Variants in TMEM260 observed in about 807,000 individuals in gnomAD.
The protein encoded by TMEM260 is protein O-mannosyl-transferase TMEM260.
TMEM260 carries 82 observed loss-of-function variants against 88.9 expected under a neutral mutation model. The observed-to-expected ratio is 0.92, with a 90% CI of 0.77 to 1.11. The LOEUF (loss-of-function observed/expected upper bound fraction) is 1.11. TMEM260 is among the 50% of genes least tolerant of loss of function. The pLI is 0.00. For synonymous variants in TMEM260, 314 were observed against 309.3 expected (o/e 1.02, Z -0.16); for missense variants, 902 against 853.4 (o/e 1.06, Z -0.71).
rs539785320 is a variant in TMEM260 at position 56,599,652 on chromosome 14, CTCATGATCT to C, written c.345-4150_345-4142del. ...TATACATGTAGCTCTGATAAACTGGCTCATGATCTTCATGATCTTCAGTATGTTTTCGTT... is the reference window on the plus strand; with the variant it reads ...TATACATGTAGCTCTGATAAACTGGCTCATGATCTTCAGTATGTTTTCGTT... On this transcript the variant is annotated intron_variant, in intron 3 of 15. Transcript: ENST00000261556. Among the ~76,000 whole-genome samples, 218 of 152,248 alleles carry C rather than the reference CTCATGATCT, an allele frequency of 1.4e-3. 1 individual carries two copies. The highest frequency in any genetic ancestry group is 5.1e-3 in the African/African-American group (210 of 41,534).
At chr14:56,639,505 T>C (rs766151704) in intron 15 of TMEM260, among the ~76,000 whole-genome samples, 44 of 152,066 alleles carry the variant, frequency 2.9e-4, no homozygotes, top group Non-Finnish European at 5.1e-4. Flanking sequence ...TAGAAATATG[T>C]AGTATAGGAG....
chr14:56,586,707 G>T (rs1885528291), intron 3 of TMEM260, among the ~76,000 whole-genome samples: 1 of 152,018 alleles, frequency 6.6e-6, no homozygotes, highest in Non-Finnish European at 1.5e-5. Context: ...ATTTCTGTAG[G>T]TAAATATAAT....
At chr14:56,627,806 A>G (rs979363878) in intron 12 of TMEM260, among the ~76,000 whole-genome samples, 3 of 152,204 alleles carry the variant, frequency 2.0e-5, no homozygotes, top group African/African-American at 7.2e-5. Context: ...ATACAGTTCT[A>G]TGAATTTTAA....
intron 3 of TMEM260, among the ~76,000 whole-genome samples, chr14:56,587,556 A>G (rs1885585058): frequency 6.6e-6 from 1 of 152,016 alleles, no homozygotes; most frequent in Non-Finnish European, 1.5e-5. Flanking sequence ...TTTAATATGC[A>G]TGGCTAATGA....
At chr14:56,580,576 T>C (rs1885062929) in intron 1 of TMEM260, among the ~76,000 whole-genome samples, 1 of 152,112 alleles carries the variant, frequency 6.6e-6, no homozygotes, top group Non-Finnish European at 1.5e-5. Context: ...AAGTAGTGGG[T>C]CCTTCCGAAT....
intron 7 of TMEM260, chr14:56,612,699 C>CT (rs375397623): frequency 0.022 from 3,030 of 139,262 alleles, 65 homozygotes; most frequent in East Asian, 0.11. Context: ...TTTTCCCCAA[C>CT]TTTTTTTTTT....
At chr14:56,626,001 A>G (rs889571958) in intron 12 of TMEM260, among the ~76,000 whole-genome samples, 50 of 152,380 alleles carry the variant, frequency 3.3e-4, no homozygotes, top group African/African-American at 1.2e-3. Context: ...GAGATAAAAT[A>G]TGAGAATTGT....
At chr14:56,615,461 G>A (rs941958276) in intron 7 of TMEM260, 5 of 152,016 alleles carry the variant, frequency 3.3e-5, no homozygotes, top group African/African-American at 1.2e-4. Context: ...ACCAATTAAG[G>A]AAAAAAATAA....
downstream of TMEM260, among the ~76,000 whole-genome samples, chr14:56,653,736 C>CAAAAAACAAAAAAA (rs10522889): frequency 1.5e-5 from 1 of 66,608 alleles, no homozygotes; most frequent in Non-Finnish European, 2.7e-5. Context: ...CTCTTGTCTC[C>CAAAAAACAAAAAAA]AAAACAAAAA....
intron 7 of TMEM260, chr14:56,613,179 T>C (rs1012031241): frequency 3.9e-5 from 6 of 152,104 alleles, no homozygotes; most frequent in African/African-American, 1.4e-4. Flanking sequence ...TGGAAGAAAA[T>C]AGGTTTCTAC....
At chr14:56,650,055 T>G, downstream of TMEM260, 1 of 451,850 alleles carries the variant, frequency 2.2e-6, no homozygotes, top group South Asian at 1.6e-5. Flanking sequence ...TTTCTTTCTC[T>G]TACTTTCCTT....
chr14:56,587,275 A>G (rs918211811), intron 3 of TMEM260, among the ~76,000 whole-genome samples: 2 of 151,948 alleles, frequency 1.3e-5, no homozygotes, highest in Non-Finnish European at 1.5e-5. Context: ...TTTATGTAAC[A>G]TAGACATATA....
rs536400139 is a variant in TMEM260, at chr14:56,601,548, T to G, written c.345-2267T>G. On this transcript the variant is annotated intron_variant, in intron 3 of 15. Coordinates refer to ENST00000261556, the MANE Select transcript of TMEM260 (RefSeq NM_017799.4). ...ATTTATAGGAGGTACCTTGAGAGAC[T>G]ATACATATTCTGTTACTCCAAAACT... Among the ~76,000 whole-genome samples the G allele has an allele frequency of 6.6e-5, 10 of 152,286 alleles. No homozygotes were observed. The South Asian group carries it at 2.1e-3, about 32-fold the overall frequency.
chr14:56,607,576 T>G (rs890590592), intron 5 of TMEM260, among the ~76,000 whole-genome samples: 2 of 152,196 alleles, frequency 1.3e-5, no homozygotes, highest in African/African-American at 4.8e-5. Flanking sequence ...CCCTGGCTGC[T>G]TACTTATCTG....
chr14:56,587,266 T>G (rs2151775), intron 3 of TMEM260, among the ~76,000 whole-genome samples: 2,626 of 152,018 alleles, frequency 0.017, 72 homozygotes, highest in African/African-American at 0.06. Context: ...TTTAGATCAT[T>G]TATGTAACAT....
chr14:56,596,425 T>TAC lies in TMEM260; in HGVS notation c.345-7388_345-7387dup, dbSNP rs746453170. On this transcript the variant is annotated intron_variant, in intron 3 of 15. Coordinates refer to ENST00000261556, the MANE Select transcript of TMEM260 (RefSeq NM_017799.4). ...GTGTGTGTATATATATATATATATATACATACACACACATATACATATATA... is the reference window on the plus strand; with the variant it reads ...GTGTGTGTATATATATATATATATATACACATACACACACATATACATATATA... 6.0e-3 allele frequency among the ~76,000 whole-genome samples: 814 copies of TAC among 135,596 alleles called. 9 individuals carry two copies. Among genetic ancestry groups the TAC allele is most frequent in the South Asian group, 0.044 (191 of 4,382 alleles). 89.0% of individuals were successfully genotyped at this position (135,596 alleles called of 152,430 possible).
chr14:56,658,248 T>TTTTG, the TMEM260 span, among the ~76,000 whole-genome samples: 1 of 152,142 alleles, frequency 6.6e-6, no homozygotes, highest in Non-Finnish European at 1.5e-5. Context: ...AATTTAATTT[T>TTTTG]TTTGTTTGTT....
At chr14:56,660,937 C>G in the TMEM260 span, among the ~76,000 whole-genome samples, 3 of 152,234 alleles carry the variant, frequency 2.0e-5, no homozygotes, top group African/African-American at 7.2e-5. Flanking sequence ...GCCTCAAATA[C>G]ACACATTTGT....
intron 7 of TMEM260, among the ~76,000 whole-genome samples, chr14:56,614,587 C>T (rs771161244): frequency 4.6e-5 from 7 of 152,122 alleles, no homozygotes; most frequent in Non-Finnish European, 8.8e-5. Flanking sequence ...TAATCCTAGA[C>T]CATATGTCTA....
Sources: gnomAD v4.1 joint callset for allele counts (sites outside exome capture counted in the v4.1 genomes callset) on GRCh38, gnomAD v4.1.1 for gene constraint, MANE v1.5 for transcripts, NCBI Gene and HGNC (gene_info 2026-07-23, HGNC 2026-07-21) for gene names.